The following ADGRB3 variants were observed in gnomAD, a reference collection of about 807,000 sequenced individuals.
ADGRB3 encodes brain-specific angiogenesis inhibitor 3.
ADGRB3 carries 37 observed loss-of-function variants against 193.4 expected under a neutral mutation model. That is an observed-to-expected ratio of 0.19 (90% confidence interval 0.15 to 0.25). The LOEUF (loss-of-function observed/expected upper bound fraction) is 0.25. Ranked by LOEUF, ADGRB3 falls within the 10% of genes least tolerant of loss-of-function variation. The pLI is 1.00. For synonymous variants in ADGRB3, 690 were observed against 644.2 expected (o/e 1.07, Z -1.08); for missense variants, 1,637 against 1,852.9 (o/e 0.88, Z 2.14).
chr6:68,725,046 TG>T (rs1031896378), intron 3 of ADGRB3, among the ~76,000 whole-genome samples: 5 of 151,654 alleles, frequency 3.3e-5, no homozygotes, highest in African/African-American at 1.2e-4. Flanking sequence ...CAACCACATT[TG>T]GGGGTATGAG....
intron 17 of ADGRB3, among the ~76,000 whole-genome samples, chr6:69,207,807 T>C (rs1236915916): frequency 1.3e-5 from 2 of 152,194 alleles, no homozygotes; most frequent in African/African-American, 2.4e-5. Context: ...AGTGAGTTCC[T>C]TGGTCAGAGG....
chr6:68,929,962 G>T (rs960176570), intron 3 of ADGRB3, among the ~76,000 whole-genome samples: 3 of 151,654 alleles, frequency 2.0e-5, no homozygotes, highest in Non-Finnish European at 4.4e-5. Context: ...ATTAGAAAAG[G>T]GGGGAGGAAT....
chr6:68,943,503 T>C (rs1489282672), intron 5 of ADGRB3, among the ~76,000 whole-genome samples: 1 of 152,114 alleles, frequency 6.6e-6, no homozygotes, highest in African/African-American at 2.4e-5. Flanking sequence ...TATTACTAGT[T>C]GATATTACTT....
At chr6:69,334,680 TAAG>T (rs1259005287) in intron 24 of ADGRB3, among the ~76,000 whole-genome samples, 1 of 152,212 alleles carries the variant, frequency 6.6e-6, no homozygotes, top group Non-Finnish European at 1.5e-5. Context: ...ATTAATCATG[TAAG>T]AATATACTGA....
chr6:69,199,717 A>T (rs1215071262), intron 17 of ADGRB3, among the ~76,000 whole-genome samples: 4 of 152,214 alleles, frequency 2.6e-5, no homozygotes, highest in Non-Finnish European at 5.9e-5. Flanking sequence ...GGTAATGTGG[A>T]ATTATAGAAA....
chr6:69,174,914 A>G (rs1775381683), intron 17 of ADGRB3, among the ~76,000 whole-genome samples: 1 of 152,162 alleles, frequency 6.6e-6, no homozygotes, highest in South Asian at 2.1e-4. Context: ...CTTCTTTTGA[A>G]AAGTATCTGT....
chr6:68,743,246 T>A (rs569677440), intron 3 of ADGRB3, among the ~76,000 whole-genome samples: 1 of 152,204 alleles, frequency 6.6e-6, no homozygotes, highest in East Asian at 1.9e-4. Context: ...CTCTTCTGGA[T>A]CATTCAGGCT....
chr6:69,387,972 A>C (rs1770109605), intron 31 of ADGRB3, among the ~76,000 whole-genome samples: 1 of 152,130 alleles, frequency 6.6e-6, no homozygotes. Flanking sequence ...AATAATTCTG[A>C]AAAAATAGAA....
At chr6:69,058,727 T>C (rs1209348250) in intron 15 of ADGRB3, among the ~76,000 whole-genome samples, 1 of 152,154 alleles carries the variant, frequency 6.6e-6, no homozygotes, top group Non-Finnish European at 1.5e-5. Flanking sequence ...AGTGTGCTGT[T>C]TGATTTCTAC....
intron 17 of ADGRB3, among the ~76,000 whole-genome samples, chr6:69,195,787 GTC>G (rs1354359625): frequency 6.6e-6 from 1 of 152,018 alleles, no homozygotes; most frequent in Non-Finnish European, 1.5e-5. Context: ...CTACCTTTCT[GTC>G]TCTCTGGCCT....
chr6:69,207,063 C>G (rs2150359864), intron 17 of ADGRB3, among the ~76,000 whole-genome samples: 1 of 152,308 alleles, frequency 6.6e-6, no homozygotes, highest in African/African-American at 2.4e-5. Context: ...TAGTCTAGGT[C>G]ATTCACGCCA....
At chr6:68,682,519 A>G (rs916803846) in intron 3 of ADGRB3, among the ~76,000 whole-genome samples, 1 of 152,208 alleles carries the variant, frequency 6.6e-6, no homozygotes, top group African/African-American at 2.4e-5. Context: ...AGAAACTCAT[A>G]TCTTACCATA....
intron 3 of ADGRB3, among the ~76,000 whole-genome samples, chr6:68,816,035 G>T (rs1767625951): frequency 6.6e-6 from 1 of 151,554 alleles, no homozygotes; most frequent in Non-Finnish European, 1.5e-5. Context: ...GAAGAAGAAT[G>T]GAATTAAGTT....
intron 3 of ADGRB3, among the ~76,000 whole-genome samples, chr6:68,868,951 G>GTGTGTGTGTGTT (rs781022363): frequency 0.058 from 8,750 of 149,842 alleles, 323 homozygotes; most frequent in African/African-American, 0.065. Context: ...GAGTGTGTGT[G>GTGTGTGTGTGTT]TTTAAACTTA....
At chr6:69,285,310 T>A (rs1042236882) in intron 20 of ADGRB3, among the ~76,000 whole-genome samples, 4 of 152,182 alleles carry the variant, frequency 2.6e-5, no homozygotes, top group Admixed American at 6.6e-5. Context: ...TCCACAAACC[T>A]GGCTCACTGC....
At chr6:68,937,194 G>A (rs2184723) in intron 5 of ADGRB3, among the ~76,000 whole-genome samples, 50,962 of 151,784 alleles carry the variant, frequency 0.34, 9,553 homozygotes, top group Middle Eastern at 0.53. Flanking sequence ...AGAGGTATCC[G>A]CTGCTTTGTA....
At chr6:68,639,649 G>T (rs779760213) in intron 3 of ADGRB3, among the ~76,000 whole-genome samples, 1 of 152,136 alleles carries the variant, frequency 6.6e-6, no homozygotes. Context: ...AGCAGCATGC[G>T]CTGGAAGTGA....
Position 68,838,657 on chromosome 6 carries a change from G to A in ADGRB3, c.758-91902G>A, listed in dbSNP as rs569544454. Among the ~76,000 whole-genome samples the A allele has an allele frequency of 1.8e-4, 28 of 152,250 alleles. No homozygotes were observed. The South Asian group carries it at 5.0e-3, about 27-fold the overall frequency. On this transcript the variant is annotated intron_variant, in intron 3 of 31. Coordinates refer to ENST00000370598, the MANE Select transcript of ADGRB3 (RefSeq NM_001704.3). ...AGCACATTGGTTTAAGTAGGTGTTG[G>A]GATCCTAAGTTCAGAGTTTTAGAGC...
At position 69,328,033 on chromosome 6, in the gene ADGRB3, G is replaced by A. The variant is rs540073225; in HGVS notation, c.3035+144G>A. The A allele has an allele frequency of 3.7e-5, 21 of 560,454 alleles. No homozygotes were observed. In the African/African-American group the frequency reaches 3.8e-4, roughly 10 times the overall value. The allele number at this position is 560,454 out of a possible 1,614,324, so 34.7% of individuals were successfully genotyped here. ...CATTAGTAAGGAACAAAACAAGGTA[G>A]CTTAAATCTACAAAGGTTAAGAAAT... On this transcript the variant is annotated intron_variant, in intron 22 of 31. Coordinates refer to ENST00000370598, the MANE Select transcript of ADGRB3 (RefSeq NM_001704.3).
Sources: gnomAD v4.1 joint callset for allele counts (sites outside exome capture counted in the v4.1 genomes callset) on GRCh38, gnomAD v4.1.1 for gene constraint, MANE v1.5 for transcripts, NCBI Gene and HGNC (gene_info 2026-07-23, HGNC 2026-07-21) for gene names.